The following CADM2 variants were observed in gnomAD, a reference collection of about 807,000 sequenced individuals.
CADM2 encodes the protein immunoglobulin superfamily member 4D.
A neutral mutation model predicts 49.8 loss-of-function variants in CADM2; 12 were observed. The observed-to-expected ratio is 0.24, with a 90% confidence interval of 0.15 to 0.39. The LOEUF (loss-of-function observed/expected upper bound fraction) is 0.39. CADM2 is among the 10% of genes least tolerant of loss of function. The probability of loss-of-function intolerance (pLI) is 1.00; values close to 1 mark genes in which losing one functional copy is unlikely to be tolerated. For synonymous variants in CADM2, 214 were observed against 175.4 expected, an observed-to-expected ratio of 1.22 and a Z score of -1.74; for missense variants, 378 against 492.3, an observed-to-expected ratio of 0.77 and a Z score of 2.20.
chr3:85,464,005 T>A (rs776191351), intron 1 of CADM2, among the ~76,000 whole-genome samples: 4 of 152,148 alleles, frequency 2.6e-5, no homozygotes, highest in Non-Finnish European at 5.9e-5. Flanking sequence ...CTTTTCTGTT[T>A]TTTAAGTGAT....
chr3:85,159,752 G>C (rs1291928708), intron 1 of CADM2, among the ~76,000 whole-genome samples: 1 of 152,072 alleles, frequency 6.6e-6, no homozygotes, highest in Non-Finnish European at 1.5e-5. Context: ...GAATTTTACA[G>C]AGTTTTTAGG....
intron 1 of CADM2, among the ~76,000 whole-genome samples, chr3:85,280,275 T>A (rs1241049399): frequency 6.6e-6 from 1 of 151,694 alleles, no homozygotes; most frequent in Non-Finnish European, 1.5e-5. Flanking sequence ...TCTTTATTTC[T>A]CCTTCATTGT....
intron 1 of CADM2, among the ~76,000 whole-genome samples, chr3:85,620,467 T>C (rs757666954): frequency 2.5e-4 from 38 of 151,934 alleles, no homozygotes; most frequent in Non-Finnish European, 4.9e-4. Context: ...TTATGAAAAA[T>C]TTTTAAGCAA....
chr3:85,613,772 A>G (rs1239986642), intron 1 of CADM2, among the ~76,000 whole-genome samples: 1 of 151,656 alleles, frequency 6.6e-6, no homozygotes, highest in African/African-American at 2.4e-5. Context: ...ATGTTAATAT[A>G]ATGCATTTTT....
Position 86,066,995 on chromosome 3 carries a change from C to CTTAAATTT in CADM2, c.*212_*213insTTAAATTT. 1 of 526,330 alleles carries CTTAAATTT rather than the reference C, an allele frequency of 1.9e-6. No homozygotes were observed. Among genetic ancestry groups the CTTAAATTT allele is most frequent in the Non-Finnish European group, 3.4e-6 (1 of 294,340 alleles). The allele number at this position is 526,330 out of a possible 1,614,324, so 32.6% of individuals were successfully genotyped here. A position where few individuals can be genotyped will look rare whatever the true frequency, so the allele number is the denominator to read the frequency against. Reference sequence around the variant, plus strand: ...CCATAATGCAGGACATTTCTTACTGCCTAAATTTCACACCATTGCTCTTTT... The same window carrying CTTAAATTT: ...CCATAATGCAGGACATTTCTTACTGCTTAAATTTCTAAATTTCACACCATTGCTCTTTT... On this transcript the variant is annotated 3_prime_UTR_variant, in exon 10 of 10. Transcript: ENST00000383699.
intron 1 of CADM2, among the ~76,000 whole-genome samples, chr3:85,145,839 T>A (rs997631056): frequency 3.3e-5 from 5 of 152,156 alleles, no homozygotes; most frequent in African/African-American, 9.7e-5. Flanking sequence ...ATGGAACATA[T>A]AAGTTATTTC....
chr3:85,698,944 T>G (rs1252150413), intron 1 of CADM2, among the ~76,000 whole-genome samples: 1 of 152,176 alleles, frequency 6.6e-6, no homozygotes, highest in African/African-American at 2.4e-5. Context: ...TAGCCCCTTC[T>G]GCCTATGAGC....
intron 2 of CADM2, among the ~76,000 whole-genome samples, chr3:85,776,464 A>G (rs971412258): frequency 5.3e-5 from 8 of 152,062 alleles, no homozygotes; most frequent in African/African-American, 1.9e-4. Context: ...TTATTTAAAA[A>G]CCCATACCTG....
At chr3:85,478,004 C>A (rs1435195112) in intron 1 of CADM2, among the ~76,000 whole-genome samples, 2 of 151,818 alleles carry the variant, frequency 1.3e-5, no homozygotes, top group African/African-American at 4.8e-5. Context: ...TTTTACTGAA[C>A]CTTAACATGA....
chr3:85,217,431 C>G (rs2041953374), intron 1 of CADM2, among the ~76,000 whole-genome samples: 1 of 151,778 alleles, frequency 6.6e-6, no homozygotes, highest in Non-Finnish European at 1.5e-5. Flanking sequence ...GTATTTTAAT[C>G]CACACACACA....
intron 8 of CADM2, among the ~76,000 whole-genome samples, chr3:86,006,886 C>T (rs534772207): frequency 2.0e-5 from 3 of 151,854 alleles, no homozygotes; most frequent in African/African-American, 7.2e-5. Flanking sequence ...ACTTAAAATA[C>T]AAAAATTAGC....
chr3:85,722,780 A>G (rs1450048641), intron 1 of CADM2, among the ~76,000 whole-genome samples: 2 of 152,288 alleles, frequency 1.3e-5, no homozygotes, highest in Admixed American at 6.5e-5. Flanking sequence ...AAATTTATCT[A>G]ATCTCTTCTG....
Position 85,799,559 on chromosome 3 carries a change from G to A in CADM2, c.89-2488G>A, listed in dbSNP as rs572058813. ...GGTTTTTGTCATTGGTTCTGTTTAT[G>A]TGATGGATTACATTTATTGATTTGA... On this transcript the variant is annotated intron_variant, in intron 2 of 9. Transcript: ENST00000383699. Among the ~76,000 whole-genome samples, 8 of 152,282 alleles carry A rather than the reference G, an allele frequency of 5.3e-5. No homozygotes were observed. In the East Asian group the frequency reaches 1.5e-3, roughly 29 times the overall value.
At chr3:85,014,812 A>G (rs1365308862) in intron 1 of CADM2, among the ~76,000 whole-genome samples, 1 of 152,068 alleles carries the variant, frequency 6.6e-6, no homozygotes, top group Non-Finnish European at 1.5e-5. Flanking sequence ...CATACCATCA[A>G]TGTTTCATTA....
intron 1 of CADM2, among the ~76,000 whole-genome samples, chr3:85,700,581 G>T (rs1339153011): frequency 6.6e-6 from 1 of 152,148 alleles, no homozygotes; most frequent in African/African-American, 2.4e-5. Context: ...CATCTTGAAA[G>T]CTTTGCTGTT....
At chr3:85,187,867 C>T (rs1380185129) in intron 1 of CADM2, among the ~76,000 whole-genome samples, 1 of 151,512 alleles carries the variant, frequency 6.6e-6, no homozygotes, top group African/African-American at 2.4e-5. Flanking sequence ...TTCAACATAC[C>T]TGAATTTGTG....
At chr3:85,544,526 G>C (rs948241394) in intron 1 of CADM2, among the ~76,000 whole-genome samples, 1 of 152,086 alleles carries the variant, frequency 6.6e-6, no homozygotes, top group Non-Finnish European at 1.5e-5. Flanking sequence ...GCAGTGAACG[G>C]AGATCGCGCC....
intron 1 of CADM2, among the ~76,000 whole-genome samples, chr3:85,508,091 T>C (rs567641368): frequency 3.9e-5 from 6 of 152,126 alleles, no homozygotes; most frequent in Non-Finnish European, 7.3e-5. Flanking sequence ...AATATATAGA[T>C]CAGGAAAGAA....
At chr3:85,907,929 G>T (rs1028365733) in intron 5 of CADM2, among the ~76,000 whole-genome samples, 1 of 150,066 alleles carries the variant, frequency 6.7e-6, no homozygotes, top group African/African-American at 2.4e-5. Context: ...AAAAAAAGAA[G>T]ATATCTTCTT....
Sources: allele counts gnomAD v4.1 joint callset (sites outside exome capture counted in the v4.1 genomes callset), GRCh38; gene constraint gnomAD v4.1.1; transcripts MANE v1.5; gene names NCBI Gene and HGNC (gene_info 2026-07-23, HGNC 2026-07-21).